PPM1H: variants seen among roughly 807,000 people sequenced by gnomAD.
PPM1H encodes protein phosphatase 1H.
Under a neutral mutation model 54.9 loss-of-function variants are expected in PPM1H, and 27 were observed. The ratio of observed to expected loss-of-function variants is 0.49; its 90% CI spans 0.36 to 0.68. PPM1H has a LOEUF of 0.68. Ranked by LOEUF, PPM1H falls within the 30% of genes least tolerant of loss-of-function variation. The probability of loss-of-function intolerance (pLI) is 0.00; values close to 1 mark genes in which losing one functional copy is unlikely to be tolerated. For missense variants in PPM1H, 596 were observed against 667.8 expected (o/e 0.89, Z 1.19); for synonymous variants, 305 against 270.8 (o/e 1.13, Z -1.24).
At chr12:62,658,612 C>T (rs2075861414) in intron 9 of PPM1H, among the ~76,000 whole-genome samples, 1 of 152,084 alleles carries the variant, frequency 6.6e-6, no homozygotes, top group Non-Finnish European at 1.5e-5. Context: ...GAGAACCTTA[C>T]TGGAATTATA....
chr12:62,868,111 C>T (rs1023994544), intron 1 of PPM1H, among the ~76,000 whole-genome samples: 1 of 152,126 alleles, frequency 6.6e-6, no homozygotes, highest in Non-Finnish European at 1.5e-5. Flanking sequence ...TGCCCTCCTC[C>T]CCTGGCTTGT....
Position 62,844,379 on chromosome 12 carries a change from C to T in PPM1H, c.246-12100G>A, listed in dbSNP as rs894048339. On this transcript the variant is annotated intron_variant, in intron 1 of 9. Coordinates refer to ENST00000228705, the MANE Select transcript of PPM1H (RefSeq NM_020700.2). The surrounding 1 kb of genome is among the most constrained non-coding windows in gnomAD (Gnocchi z 5.2). ...ATAATGTTCTGAGGGGCAAGGGGGGCGTCTTATCTCTGATGCTGCTTCTTC... is the reference window on the plus strand; with the variant it reads ...ATAATGTTCTGAGGGGCAAGGGGGGTGTCTTATCTCTGATGCTGCTTCTTC... Among the ~76,000 whole-genome samples, 13 of 152,080 alleles carry T rather than the reference C, an allele frequency of 8.5e-5. No individual in the cohort carries two copies. In the South Asian group the frequency reaches 1.0e-3, roughly 12 times the overall value.
At chr12:62,650,825 G>T (rs1344660388) in intron 9 of PPM1H, among the ~76,000 whole-genome samples, 1 of 152,094 alleles carries the variant, frequency 6.6e-6, no homozygotes, top group African/African-American at 2.4e-5. Context: ...CGGTCCCCAT[G>T]ATCTAATTGC....
At chr12:62,801,766 G>A in intron 3 of PPM1H, 50 bp downstream of exon 3, 1 of 1,591,036 alleles carries the variant, frequency 6.3e-7, no homozygotes, top group Non-Finnish European at 8.6e-7. Context: ...GACAGACCTG[G>A]CGCAGGCGCC....
chr12:62,933,316 C>A (rs545353411), intron 1 of PPM1H, among the ~76,000 whole-genome samples: 1 of 152,218 alleles, frequency 6.6e-6, no homozygotes, highest in South Asian at 2.1e-4. Context: ...GCAGTCTCTC[C>A]CACCGGAACC....
chr12:62,712,035 A>G (rs1235242392), intron 6 of PPM1H, among the ~76,000 whole-genome samples: 3 of 152,224 alleles, frequency 2.0e-5, no homozygotes, highest in Non-Finnish European at 4.4e-5. Context: ...AGAGCTGCAA[A>G]TCTTGAAAAG....
intron 9 of PPM1H, among the ~76,000 whole-genome samples, chr12:62,654,141 G>A (rs1334395671): frequency 2.0e-5 from 3 of 148,006 alleles, no homozygotes; most frequent in Non-Finnish European, 4.4e-5. Flanking sequence ...AGGCTGAGGT[G>A]GGAAGATCTC....
intron 1 of PPM1H, among the ~76,000 whole-genome samples, chr12:62,837,990 G>A (rs1039428531): frequency 6.6e-6 from 1 of 152,190 alleles, no homozygotes; most frequent in Non-Finnish European, 1.5e-5. Flanking sequence ...GTACACAGGA[G>A]AGTATCCACA....
At chr12:62,775,018 A>G (rs2076601838) in intron 4 of PPM1H, among the ~76,000 whole-genome samples, 1 of 152,222 alleles carries the variant, frequency 6.6e-6, no homozygotes, top group African/African-American at 2.4e-5. Context: ...CCCAAGCTCA[A>G]GGATTCTGAT....
rs866239001 is a variant in PPM1H at position 62,645,724 on chromosome 12, A to G, written c.*2765T>C. 2.8e-4 allele frequency: 42 copies of G among 152,230 alleles called. No individual in the cohort carries two copies. Among genetic ancestry groups the G allele is most frequent in the African/African-American group, 9.6e-4 (40 of 41,458 alleles). 9.4% of individuals were successfully genotyped at this position (152,230 alleles called of 1,614,324 possible). A position where few individuals can be genotyped will look rare whatever the true frequency, so the allele number is the denominator to read the frequency against. ...TAGCCACACACCCCTCGAGACAACC[A>G]TAAAGACTTGACTAGGAAATCAAAA... On this transcript the variant is annotated 3_prime_UTR_variant, in exon 10 of 10. Transcript: ENST00000228705.
chr12:62,715,177 C>T (rs529716954), intron 6 of PPM1H, among the ~76,000 whole-genome samples: 12 of 152,312 alleles, frequency 7.9e-5, no homozygotes, highest in South Asian at 6.2e-4. Context: ...CAGAGGGCTG[C>T]GGGTCGGGAT....
Position 62,648,600 on chromosome 12 carries a change from G to C in PPM1H, c.1434C>G (p.Ala478=). 9.9e-6 allele frequency: 16 copies of C among 1,613,916 alleles called. No individual in the cohort carries two copies. The highest frequency in any genetic ancestry group is 1.1e-5 in the Non-Finnish European group (13 of 1,179,880). The change falls in exon 10 of 10, where the codon GCC becomes GCG. Residue 478 remains alanine (A), a synonymous_variant. Coordinates refer to ENST00000228705, the MANE Select transcript of PPM1H (RefSeq NM_020700.2). ...ATCCTCTGTCCTTCAGCACACCCCG[G>C]GCACGCATCACCAGGTCCTGAGCTG... ...TLAAQDLVMR[A]RGVLKDRGWR... is the part of the protein sequence containing the mutation.
chr12:62,931,971 A>G (rs1242747190), intron 1 of PPM1H, among the ~76,000 whole-genome samples: 2 of 152,116 alleles, frequency 1.3e-5, no homozygotes, highest in Non-Finnish European at 2.9e-5. Flanking sequence ...AAAGAAACGC[A>G]TGATATGTAT....
At chr12:62,725,889 C>T (rs147962901) in intron 5 of PPM1H, among the ~76,000 whole-genome samples, 19 of 152,250 alleles carry the variant, frequency 1.2e-4, no homozygotes, top group African/African-American at 3.4e-4. Flanking sequence ...TAGTCACCCC[C>T]CCACTGATAC....
At chr12:62,841,171 G>T (rs1173963044) in intron 1 of PPM1H, among the ~76,000 whole-genome samples, 1 of 152,096 alleles carries the variant, frequency 6.6e-6, no homozygotes, top group Non-Finnish European at 1.5e-5. Context: ...GTGAGATAAT[G>T]CAATTGGTTT....
intron 3 of PPM1H, among the ~76,000 whole-genome samples, chr12:62,797,638 G>A (rs1206221240): frequency 6.6e-6 from 1 of 152,140 alleles, no homozygotes; most frequent in Non-Finnish European, 1.5e-5. Flanking sequence ...GTAAGACAAT[G>A]ACTCTCAAAA....
At chr12:62,751,741 T>C (rs574213365) in intron 4 of PPM1H, among the ~76,000 whole-genome samples, 1 of 152,324 alleles carries the variant, frequency 6.6e-6, no homozygotes, top group Admixed American at 6.5e-5. Flanking sequence ...ACCAGACCCA[T>C]AAACAATGAG....
chr12:62,688,857 A>G (rs1465793745), intron 8 of PPM1H, among the ~76,000 whole-genome samples: 1 of 152,054 alleles, frequency 6.6e-6, no homozygotes, highest in Non-Finnish European at 1.5e-5. Context: ...TTAGCTGGGT[A>G]TGGTGGTGTG....
At chr12:62,891,104 CAA>C (rs71450596) in intron 1 of PPM1H, among the ~76,000 whole-genome samples, 761 of 76,050 alleles carry the variant, frequency 0.01, 1 homozygote, top group South Asian at 0.023. Flanking sequence ...GCAAGACTCT[CAA>C]AAAAAAAAAA....
Sources: gnomAD v4.1 joint callset for allele counts (sites outside exome capture counted in the v4.1 genomes callset) on GRCh38, gnomAD v4.1.1 for gene constraint, Gnocchi (gnomAD v3.1) non-coding constraint, MANE v1.5 for transcripts, NCBI Gene and HGNC (gene_info 2026-07-23, HGNC 2026-07-21) for gene names.